Variants in CHD9 observed in about 807,000 individuals in gnomAD.
CHD9 encodes the protein ATP-dependent chromatin remodeler CHD9.
CHD9 carries 77 observed loss-of-function variants against 316.1 expected under a neutral mutation model. The observed-to-expected ratio is 0.24, with a 90% CI of 0.20 to 0.29. The LOEUF is 0.29. CHD9 is among the 10% of genes least tolerant of loss of function. The probability of loss-of-function intolerance (pLI) is 1.00; values close to 1 mark genes in which losing one functional copy is unlikely to be tolerated. For synonymous variants in CHD9, 1,129 were observed against 1,158.3 expected, an observed-to-expected ratio of 0.97 and a Z score of 0.51; for missense variants, 2,763 against 3,438.1, an observed-to-expected ratio of 0.80 and a Z score of 4.91.
At chr16:53,249,290 A>C (rs2049939654) in intron 16 of CHD9, among the ~76,000 whole-genome samples, 1 of 152,140 alleles carries the variant, frequency 6.6e-6, no homozygotes, top group South Asian at 2.1e-4. Context: ...CAAGCTCCTA[A>C]ATTTTTATGT....
intron 1 of CHD9, among the ~76,000 whole-genome samples, chr16:53,093,589 A>C (rs185881281): frequency 2.6e-5 from 4 of 152,342 alleles, no homozygotes; most frequent in African/African-American, 9.6e-5. Flanking sequence ...CTTACATTCT[A>C]GTACAAATGT....
chr16:53,264,629 G>A (rs2051474605), intron 20 of CHD9, among the ~76,000 whole-genome samples: 1 of 152,278 alleles, frequency 6.6e-6, no homozygotes, highest in African/African-American at 2.4e-5. Flanking sequence ...AATTTAGAGA[G>A]TGAGGAAAAT....
At chr16:53,121,206 A>T (rs1052942575) in intron 1 of CHD9, 3 of 377,100 alleles carry the variant, frequency 8.0e-6, no homozygotes, top group Admixed American at 6.5e-5. Flanking sequence ...TGTGCCTGAG[A>T]CATCACAGAT....
Position 53,324,029 on chromosome 16 carries a change from C to A in CHD9, c.7828C>A (p.Pro2610Thr). Residue 2610 changes from proline (P) to threonine (T), a missense_variant, in exon 39 of 39, where the codon CCA (proline) becomes ACA (threonine). Physicochemically the swap from Pro to Thr is conservative, Grantham distance 38. Transcript: ENST00000447540. ...GDVVKQSGFL[P>T]ESMYERILTG... ...TATATATTTCTTCCAGGGATTTCTT[C>A]CAGAAAGCATGTATGAACGTATTCT... 6.3e-7 allele frequency: 1 copy of A among 1,599,430 alleles called. No individual in the cohort carries two copies.
intron 1 of CHD9, among the ~76,000 whole-genome samples, chr16:53,062,838 C>T (rs1259366619): frequency 3.3e-5 from 5 of 152,140 alleles, no homozygotes; most frequent in Non-Finnish European, 7.3e-5. Flanking sequence ...TGAAACCAGC[C>T]TGACCAACAT....
rs1167919623 is a variant in CHD9, at chr16:53,324,345, T to C, written c.8144T>C (p.Leu2715Pro). 6.2e-7 allele frequency: 1 copy of C among 1,614,016 alleles called. No individual in the cohort carries two copies. The highest frequency in any genetic ancestry group is 2.2e-5 in the East Asian group (1 of 44,882). The change falls in exon 39 of 39, where the codon CTG becomes CCG. Residue 2715 changes from leucine to proline, a missense_variant. Leu to Pro is a moderately conservative substitution (Grantham distance 98, BLOSUM62 -3). Around this residue, in one of 15 missense-constraint regions of CHD9, gnomAD observed 298 missense variants for 380.2 expected, o/e 0.78. Coordinates refer to ENST00000447540, the MANE Select transcript of CHD9 (RefSeq NM_001308319.2). ...ATGGCTGCTATGTTCCCCATGCTGCTGTCAGGAATGGCTGGATTACCAAAT... is the reference window on the plus strand; with the variant it reads ...ATGGCTGCTATGTTCCCCATGCTGCCGTCAGGAATGGCTGGATTACCAAAT... Reference protein sequence around the residue: ...KNMAAMFPMLLSGMAGLPNLL... With the variant: ...KNMAAMFPMLPSGMAGLPNLL...
rs1301483669 is a variant in CHD9 at position 53,222,056 on chromosome 16, A to ATTTG, written c.1785-579_1785-576dup. 5.3e-5 allele frequency among the ~76,000 whole-genome samples: 8 copies of ATTTG among 151,032 alleles called. No homozygotes were observed. The East Asian group carries it at 5.8e-4, about 11-fold the overall frequency. ...TTTTACCTGCTAAATTTATTTATTT[A>ATTTG]TTTGTTTGTTTGCTTGCTTGTTTGC... On this transcript the variant is annotated intron_variant, in intron 3 of 38. Transcript: ENST00000447540.
In CHD9 at chr16:53,218,083, G is replaced by A. The variant is rs141572786; in HGVS notation, c.1785-4561G>A. ...TTGACTTTTTTCCTATCATGGAAAC[G>A]TACCCTTTTTAAATAGAAAAGGCAC... On this transcript the variant is annotated intron_variant, in intron 3 of 38. Transcript: ENST00000447540. Among the ~76,000 whole-genome samples, 474 of 151,810 alleles carry A rather than the reference G, an allele frequency of 3.1e-3. 8 individuals are homozygous for A. Among genetic ancestry groups the A allele is most frequent in the African/African-American group, 0.011 (458 of 41,408 alleles).
intron 1 of CHD9, among the ~76,000 whole-genome samples, chr16:53,136,710 A>G (rs966360476): frequency 2.6e-5 from 4 of 152,186 alleles, no homozygotes; most frequent in Non-Finnish European, 4.4e-5. Flanking sequence ...TAGTGAATTC[A>G]CTACATATTC....
In CHD9 at chr16:53,227,475, G is replaced by T; in HGVS notation, c.2112+11G>T. Reference sequence around the variant, plus strand: ...ACCGTAAAAAAGGAAGTAAGTACTGGTACATTACATTTTACACTTCATATT... The same window carrying T: ...ACCGTAAAAAAGGAAGTAAGTACTGTTACATTACATTTTACACTTCATATT... On this transcript the variant is annotated intron_variant, in intron 6 of 38. Coordinates refer to ENST00000447540, the MANE Select transcript of CHD9 (RefSeq NM_001308319.2). The T allele has an allele frequency of 6.5e-7, 1 of 1,527,616 alleles. No homozygotes were observed. The highest frequency in any genetic ancestry group is 8.9e-7 in the Non-Finnish European group (1 of 1,127,726). The allele number at this position is 1,527,616 out of a possible 1,614,324, so 94.6% of individuals were successfully genotyped here.
intron 1 of CHD9, among the ~76,000 whole-genome samples, chr16:53,086,955 C>T (rs1274350655): frequency 6.6e-6 from 1 of 152,164 alleles, no homozygotes; most frequent in Non-Finnish European, 1.5e-5. Flanking sequence ...TCCCTTTCTG[C>T]ACCCCTTTTC....
rs1411233871 is a variant in CHD9, at chr16:53,321,684, C to G, written c.7818+54C>G. 4 of 891,766 alleles carry G rather than the reference C, an allele frequency of 4.5e-6. No individual in the cohort carries two copies. In the African/African-American group the frequency reaches 6.7e-5, roughly 15 times the overall value. 55.2% of individuals were successfully genotyped at this position (891,766 alleles called of 1,614,324 possible). On this transcript the variant is annotated intron_variant, in intron 38 of 38. Coordinates refer to ENST00000447540, the MANE Select transcript of CHD9 (RefSeq NM_001308319.2). ...CATTATTTTCAAATTAGGTGCCATT[C>G]AATTATATCTTAGATTAATTATAAT...
At chr16:53,282,659 C>G (rs1487281665) in intron 24 of CHD9, among the ~76,000 whole-genome samples, 1 of 152,120 alleles carries the variant, frequency 6.6e-6, no homozygotes, top group Non-Finnish European at 1.5e-5. Context: ...TTTTTCTTCC[C>G]TTCCATTCAC....
chr16:53,235,975 A>C (rs747666340), intron 11 of CHD9, among the ~76,000 whole-genome samples: 2 of 152,044 alleles, frequency 1.3e-5, no homozygotes, highest in Admixed American at 6.6e-5. Context: ...TTTATTCAGA[A>C]TCATTTTTAA....
intron 1 of CHD9, among the ~76,000 whole-genome samples, chr16:53,096,662 T>A (rs1033439162): frequency 2.0e-5 from 3 of 152,182 alleles, no homozygotes; most frequent in Non-Finnish European, 2.9e-5. Context: ...AATTCTTGAA[T>A]GAAATAACTT....
intron 1 of CHD9, among the ~76,000 whole-genome samples, chr16:53,101,984 G>A (rs1015738789): frequency 6.6e-6 from 1 of 152,220 alleles, no homozygotes; most frequent in Non-Finnish European, 1.5e-5. Context: ...TAGGAAAAAA[G>A]TGGAGGTCAG....
intron 3 of CHD9, among the ~76,000 whole-genome samples, chr16:53,216,038 T>C (rs904878451): frequency 2.0e-5 from 3 of 152,188 alleles, no homozygotes; most frequent in Admixed American, 6.5e-5. Flanking sequence ...ACAGATCCTT[T>C]TAATGTTTTC....
chr16:53,094,797 AC>A (rs1236070585), intron 1 of CHD9, among the ~76,000 whole-genome samples: 1 of 151,300 alleles, frequency 6.6e-6, no homozygotes, highest in Non-Finnish European at 1.5e-5. Flanking sequence ...GCACCACCAC[AC>A]CCCACTAATT....
At chr16:53,130,842 T>G (rs990506533) in intron 1 of CHD9, 1 of 151,666 alleles carries the variant, frequency 6.6e-6, no homozygotes, top group Non-Finnish European at 1.5e-5. Flanking sequence ...CGACCGCCCC[T>G]CCGCGCCCGG....
Sources: allele counts gnomAD v4.1 joint callset (sites outside exome capture counted in the v4.1 genomes callset), GRCh38; gene constraint gnomAD v4.1.1; regional missense constraint gnomAD v4.1.1; transcripts MANE v1.5; gene names NCBI Gene and HGNC (gene_info 2026-07-23, HGNC 2026-07-21).